The following SELP variants were observed in gnomAD, a reference collection of about 807,000 sequenced individuals.
SELP encodes the protein P-selectin.
In SELP, 92 loss-of-function variants were observed where a neutral mutation model predicts 104.1. The ratio of observed to expected loss-of-function variants is 0.88; its 90% CI spans 0.75 to 1.05. The LOEUF is 1.05. Among genes scored for constraint, SELP ranks in the 50% least tolerant of loss-of-function variants. SELP has a pLI of 0.00. For missense variants in SELP, 1,022 were observed against 1,017.3 expected (o/e 1.00, Z -0.06); for synonymous variants, 397 against 364.5 (o/e 1.09, Z -1.01).
chr1:169,613,067 A>G lies in SELP; in HGVS notation c.637T>C (p.Cys213Arg). ...LELPQHVLMNCSHPLGNFSFN... is the reference protein window; with the variant it reads ...LELPQHVLMNRSHPLGNFSFN... ...GAGAAGTTTCCCAGAGGGTGGCTGC[A>G]GTTCATGAGCACGTGTTGAGGGAGC... Residue 213 changes from cysteine to arginine, a missense_variant, in exon 5 of 17, where the codon TGC (cysteine) becomes CGC (arginine). Cys to Arg is a radical substitution (Grantham distance 180). Transcript: ENST00000263686. The G allele has an allele frequency of 6.2e-7, 1 of 1,613,542 alleles. No individual in the cohort carries two copies. Among genetic ancestry groups the G allele is most frequent in the Non-Finnish European group, 8.5e-7 (1 of 1,179,634 alleles).
rs542094238 is a variant in SELP, at chr1:169,607,001, C to T, written c.1467G>A (p.Val489=). The stretch of plus-strand genomic sequence containing the variant: ...AGTTTCCAGTAGCCAAGCACTGTAG[C>T]ACACTTGCTCCCACCAGGAGCAAGC... The part of the protein sequence containing the change: ...NEGLLLVGAS[V]LQCLATGNWN... The change falls in exon 9 of 17, where the codon GTG becomes GTA. Residue 489 remains valine, a synonymous_variant. Coordinates refer to ENST00000263686, the MANE Select transcript of SELP (RefSeq NM_003005.4). The T allele has an allele frequency of 3.7e-6, 6 of 1,613,852 alleles. No homozygotes were observed. In the East Asian group the frequency reaches 1.1e-4, roughly 30 times the overall value.
At chr1:169,624,734 T>A (rs931514924) in intron 1 of SELP, among the ~76,000 whole-genome samples, 1 of 152,078 alleles carries the variant, frequency 6.6e-6, no homozygotes, top group Non-Finnish European at 1.5e-5. Context: ...TGAGACTCTT[T>A]CTCAAAAAAC....
At chr1:169,598,921 C>T (rs1023324035) in intron 10 of SELP, among the ~76,000 whole-genome samples, 7 of 152,000 alleles carry the variant, frequency 4.6e-5, no homozygotes, top group East Asian at 3.8e-4. Context: ...AAAAATTAAC[C>T]GAAGGGGGCC....
At chr1:169,599,576 T>A (rs1661799069) in intron 10 of SELP, among the ~76,000 whole-genome samples, 1 of 152,188 alleles carries the variant, frequency 6.6e-6, no homozygotes, top group Non-Finnish European at 1.5e-5. Flanking sequence ...ATTTAGTAAA[T>A]TATCTGTTTC....
chr1:169,622,544 T>G (rs944570605), intron 1 of SELP, among the ~76,000 whole-genome samples: 33 of 152,306 alleles, frequency 2.2e-4, no homozygotes, highest in African/African-American at 7.9e-4. Flanking sequence ...GAGGGAAAGC[T>G]CCTCCTGTCT....
chr1:169,606,086 T>A (rs931649542), intron 9 of SELP, among the ~76,000 whole-genome samples: 1 of 152,004 alleles, frequency 6.6e-6, no homozygotes, highest in South Asian at 2.1e-4. Context: ...GGAGGCCGAG[T>A]CAGGCAGATC....
In SELP at chr1:169,612,247, C is replaced by A. The variant is rs1231276533; in HGVS notation, c.931G>T (p.Val311Leu). The A allele has an allele frequency of 6.2e-7, 1 of 1,614,042 alleles. No homozygotes were observed. Among genetic ancestry groups the A allele is most frequent in the Non-Finnish European group, 8.5e-7 (1 of 1,179,986 alleles). ...CACACTGGGGCTGGGGCTGTCCATA[C>A]CCCCGAGGCTGTGCATTGCACCACT... ...PEVVQCTASG[V>L]WTAPAPVCKA... Residue 311 changes from valine to leucine, a missense_variant, in exon 6 of 17, where the codon GTA becomes TTA. Val to Leu is a conservative substitution (Grantham distance 32). Coordinates refer to ENST00000263686, the MANE Select transcript of SELP (RefSeq NM_003005.4).
In SELP at chr1:169,617,328, G is replaced by A. The variant is rs1226844766; in HGVS notation, c.181C>T (p.Gln61Ter). The change falls in exon 3 of 17, where the codon CAG becomes TAG. Residue 61 changes from glutamine (Q) to a stop codon, truncating the protein, a stop_gained. Transcript: ENST00000263686. LOFTEE classifies it high-confidence loss of function. ...YSWNISRKYC[Q>*]NRYTDLVAIQ... ...GCCACTAAGTCTGTGTAGCGATTCT[G>A]GCAGTATTTACGGGAAATATTCCAT... is the stretch of plus-strand genomic sequence containing the variant. The A allele has an allele frequency of 3.7e-5, 60 of 1,613,934 alleles. No homozygotes were observed. The highest frequency in any genetic ancestry group is 4.7e-5 in the Non-Finnish European group (56 of 1,179,990).
intron 8 of SELP, among the ~76,000 whole-genome samples, chr1:169,607,392 G>A (rs1050165868): frequency 1.3e-5 from 2 of 152,106 alleles, no homozygotes; most frequent in Non-Finnish European, 2.9e-5. Flanking sequence ...AAGAATTTAT[G>A]CTAAGTATGT....
chr1:169,617,087 G>A lies in SELP; in HGVS notation c.422C>T (p.Ala141Val), dbSNP rs759204701. 6 of 1,613,856 alleles carry A rather than the reference G, an allele frequency of 3.7e-6. No homozygotes were observed. The highest frequency in any genetic ancestry group is 1.1e-5 in the South Asian group (1 of 91,052). ...CVEIYIKSPS[A>V]PGKWNDEHCL... ...GTGCTCATCATTCCACTTGCCAGGG[G>A]CTGACGGACTCTTGATGTATATCTC... Residue 141 changes from alanine (A) to valine (V), a missense_variant, in exon 3 of 17, where the codon GCC becomes GTC. By Grantham distance (64) the Ala-to-Val change is moderately conservative. Transcript: ENST00000263686.
At chr1:169,592,556 TA>T (rs1661403466) in intron 14 of SELP, among the ~76,000 whole-genome samples, 1 of 152,194 alleles carries the variant, frequency 6.6e-6, no homozygotes, top group African/African-American at 2.4e-5. Context: ...TTTATGAACT[TA>T]TAGGCAGGCT....
intron 1 of SELP, among the ~76,000 whole-genome samples, chr1:169,623,490 C>A (rs1470002755): frequency 1.3e-5 from 2 of 152,086 alleles, no homozygotes; most frequent in African/African-American, 2.4e-5. Flanking sequence ...TTTGTTTGAA[C>A]TTTTTTTAAG....
At chr1:169,595,156 A>G (rs927207407) in intron 12 of SELP, among the ~76,000 whole-genome samples, 4 of 152,184 alleles carry the variant, frequency 2.6e-5, no homozygotes, top group Non-Finnish European at 5.9e-5. Context: ...GCCTCCAAAT[A>G]TACTATTTAC....
intron 3 of SELP, among the ~76,000 whole-genome samples, chr1:169,614,758 G>A (rs2236868): frequency 0.38 from 57,186 of 152,030 alleles, 11,358 homozygotes; most frequent in Middle Eastern, 0.52. Flanking sequence ...AGAAGTTCCT[G>A]TGGCAGCCAG....
chr1:169,606,678 G>T (rs1662216038), intron 9 of SELP, among the ~76,000 whole-genome samples: 1 of 152,142 alleles, frequency 6.6e-6, no homozygotes, highest in Admixed American at 6.5e-5. Context: ...GGAGCCTTCA[G>T]GTCTGGGTAA....
intron 10 of SELP, among the ~76,000 whole-genome samples, chr1:169,600,369 A>G (rs774932319): frequency 1.3e-5 from 2 of 152,350 alleles, no homozygotes; most frequent in East Asian, 1.9e-4. Context: ...TTAAAAGTCT[A>G]AAGGAGAATG....
chr1:169,594,607 C>G, intron 13 of SELP, 85 bp downstream of exon 13: 1 of 1,340,644 alleles, frequency 7.5e-7, no homozygotes, highest in Non-Finnish European at 1.0e-6. Context: ...AAAGCAAGAC[C>G]ACTATGAGAA....
At chr1:169,616,943 T>C (rs1662841338) in intron 3 of SELP, 85 bp downstream of exon 3, 1 of 1,424,802 alleles carries the variant, frequency 7.0e-7, no homozygotes. Flanking sequence ...TATCTTTGTG[T>C]TGACTCGGTG....
rs945028917 is a variant in SELP, at chr1:169,619,571, T to A, written c.4-352A>T. ...CATTATTATTATAAAACAATCTTTTTAAGAAGTGGTATGTCATACCCAAGA... is the reference window on the plus strand; with the variant it reads ...CATTATTATTATAAAACAATCTTTTAAAGAAGTGGTATGTCATACCCAAGA... On this transcript the variant is annotated intron_variant, in intron 1 of 16. Coordinates refer to ENST00000263686, the MANE Select transcript of SELP (RefSeq NM_003005.4). Among the ~76,000 whole-genome samples, 45 of 152,228 alleles carry A rather than the reference T, an allele frequency of 3.0e-4. 1 individual carries two copies. The highest frequency in any genetic ancestry group is 1.5e-5 in the Non-Finnish European group (1 of 68,032).
Sources: allele counts gnomAD v4.1 joint callset (sites outside exome capture counted in the v4.1 genomes callset), GRCh38; gene constraint gnomAD v4.1.1; transcripts MANE v1.5; gene names NCBI Gene and HGNC (gene_info 2026-07-23, HGNC 2026-07-21).